Variants in ARSF observed in about 807,000 individuals in gnomAD.
ARSF encodes arylsulfatase F.
Under a neutral mutation model 35.4 loss-of-function variants are expected in ARSF, and 33 were observed. That is an observed-to-expected ratio of 0.93 (90% CI 0.71 to 1.25). ARSF has a LOEUF of 1.25. Among genes scored for constraint, ARSF ranks in the 50% most tolerant of loss-of-function variants. The pLI is 0.00. For synonymous variants in ARSF, 222 were observed against 193.1 expected (o/e 1.15, Z -1.24); for missense variants, 501 against 480.2 (o/e 1.04, Z -0.40).
intron 1 of ARSF, among the ~76,000 whole-genome samples, chrX:3,045,861 G>A (rs1603463904): frequency 9.2e-6 from 1 of 108,918 alleles, no homozygotes; most frequent in Non-Finnish European, 1.9e-5. Context: ...GTGCCATGTC[G>A]CCTGTTTTTT....
At chrX:3,043,695 T>G (rs1197904413) in intron 1 of ARSF, among the ~76,000 whole-genome samples, 1 of 111,386 alleles carries the variant, frequency 9.0e-6, no homozygotes, top group African/African-American at 3.3e-5. Context: ...GAGAGAGAAT[T>G]TTTGAAAACA....
At chrX:3,065,678 T>C (rs2090062514) in intron 1 of ARSF, among the ~76,000 whole-genome samples, 1 of 109,958 alleles carries the variant, frequency 9.1e-6, no homozygotes, top group Non-Finnish European at 1.9e-5. Flanking sequence ...ATGTAAATTT[T>C]CATTTTAGGG....
Position 3,072,083 on chromosome X carries a change from C to T in ARSF, c.69C>T (p.His23=). ...VCALLNTCQA[H]RVHDDKPNIV... ...CACTCTTGAACACATGCCAGGCACA[C>T]AGGGTGCATGACGACAAGCCTAATA... The change falls in exon 3 of 11, where the codon CAC becomes CAT. Residue 23 remains histidine, a synonymous_variant. Coordinates refer to ENST00000381127, the MANE Select transcript of ARSF (RefSeq NM_001201539.2). The T allele has an allele frequency of 8.3e-7, 1 of 1,211,366 alleles. No individual in the cohort carries two copies. The highest frequency in any genetic ancestry group is 1.1e-6 in the Non-Finnish European group (1 of 895,213).
intron 9 of ARSF, among the ~76,000 whole-genome samples, chrX:3,104,997 T>C (rs1266711705): frequency 8.9e-6 from 1 of 111,815 alleles, no homozygotes; most frequent in African/African-American, 3.3e-5. Flanking sequence ...CATTGCTCCA[T>C]TCCCTGGCAG....
At chrX:3,109,673 A>G (rs1167864723) in intron 9 of ARSF, among the ~76,000 whole-genome samples, 1 of 111,515 alleles carries the variant, frequency 9.0e-6, no homozygotes, top group Non-Finnish European at 1.9e-5. Flanking sequence ...TCCCATTTGT[A>G]AGTGAGAACA....
At chrX:3,100,520 T>C (rs781372829) in intron 7 of ARSF, among the ~76,000 whole-genome samples, 8 of 113,097 alleles carry the variant, frequency 7.1e-5, no homozygotes, top group Non-Finnish European at 1.3e-4. Context: ...GATGTTCATT[T>C]GTATTGCCAT....
rs758409761 is a variant in ARSF, at chrX:3,110,267, C to G, written c.1390+15C>G. On this transcript the variant is annotated intron_variant, in intron 10 of 10. Coordinates refer to ENST00000381127, the MANE Select transcript of ARSF (RefSeq NM_001201539.2). ...CAAGGACGACAGTGAGTGCTCAACC[C>G]GTTGCTTCCTGTTCCCTGCCAGGAG... 1 of 1,143,451 alleles carries G rather than the reference C, an allele frequency of 8.7e-7. No individual in the cohort carries two copies. The highest frequency in any genetic ancestry group is 2.2e-5 in the South Asian group (1 of 45,508). 94.2% of individuals were successfully genotyped at this position (1,143,451 alleles called of 1,213,427 possible). A position where few individuals can be genotyped will look rare whatever the true frequency, so the allele number is the denominator to read the frequency against.
intron 3 of ARSF, among the ~76,000 whole-genome samples, chrX:3,074,521 C>A (rs1184205283): frequency 9.0e-6 from 1 of 110,956 alleles, no homozygotes; most frequent in East Asian, 2.8e-4. Flanking sequence ...CTCCAGCCTC[C>A]AGAAATCTCT....
chrX:3,100,243 T>C (rs1020773288), intron 7 of ARSF, among the ~76,000 whole-genome samples: 10 of 112,320 alleles, frequency 8.9e-5, no homozygotes, highest in Admixed American at 7.6e-4. Flanking sequence ...TGCAAGAATA[T>C]ATCAAATAAA....
At chrX:3,069,295 G>A in intron 2 of ARSF, among the ~76,000 whole-genome samples, 1 of 109,962 alleles carries the variant, frequency 9.1e-6, no homozygotes, top group Non-Finnish European at 1.9e-5. Context: ...TTTTTTGCTT[G>A]TTTTTCTTTT....
At chrX:3,083,988 T>C (rs924874015) in intron 5 of ARSF, among the ~76,000 whole-genome samples, 11 of 112,073 alleles carry the variant, frequency 9.8e-5, no homozygotes, top group African/African-American at 3.6e-4. Context: ...AATTCTATTT[T>C]TCTCCCTTAT....
intron 5 of ARSF, among the ~76,000 whole-genome samples, chrX:3,081,302 A>G (rs1490700738): frequency 9.0e-6 from 1 of 111,405 alleles, no homozygotes; most frequent in Non-Finnish European, 1.9e-5. Flanking sequence ...CCAGAGGCTG[A>G]GGTGGGAGGA....
chrX:3,099,902 C>T (rs188524810), intron 7 of ARSF, among the ~76,000 whole-genome samples: 1 of 111,246 alleles, frequency 9.0e-6, no homozygotes, highest in East Asian at 2.8e-4. Flanking sequence ...TGCCTTGGCT[C>T]TAGAAGAAAA....
chrX:3,102,453 T>C (rs919311599), intron 8 of ARSF, among the ~76,000 whole-genome samples: 2 of 112,392 alleles, frequency 1.8e-5, no homozygotes, highest in Non-Finnish European at 3.8e-5. Context: ...GCAAAAGATA[T>C]TATTTCACTT....
intron 2 of ARSF, among the ~76,000 whole-genome samples, chrX:3,068,445 G>A (rs2090081288): frequency 9.0e-6 from 1 of 111,250 alleles, no homozygotes; most frequent in Admixed American, 9.6e-5. Context: ...GGTTTCACAG[G>A]GTTTTGCTCT....
At chrX:3,091,907 T>C (rs1333965468) in intron 7 of ARSF, among the ~76,000 whole-genome samples, 2 of 109,744 alleles carry the variant, frequency 1.8e-5, no homozygotes, top group African/African-American at 6.6e-5. Flanking sequence ...GATAGAAAGA[T>C]AGATGATTGA....
At chrX:3,066,387 A>G (rs1044815079) in intron 1 of ARSF, among the ~76,000 whole-genome samples, 1 of 111,302 alleles carries the variant, frequency 9.0e-6, no homozygotes, top group Non-Finnish European at 1.9e-5. Context: ...AAGACAGGGA[A>G]GACCTTCCAT....
In ARSF at chrX:3,110,157, T is replaced by C; in HGVS notation, c.1295T>C (p.Leu432Ser). Residue 432 changes from leucine to serine, a missense_variant, in exon 10 of 11, where the codon TTG (leucine) becomes TCG (serine). Physicochemically the swap from Leu to Ser is moderately radical, Grantham distance 145. Coordinates refer to ENST00000381127, the MANE Select transcript of ARSF (RefSeq NM_001201539.2). The part of the protein sequence containing the change: ...RVIDGRDLMP[L>S]LQGNVRHSEH... ...ATTGACGGCCGAGACCTCATGCCCTTGCTGCAGGGCAACGTCAGGCACTCG... is the reference window on the plus strand; with the variant it reads ...ATTGACGGCCGAGACCTCATGCCCTCGCTGCAGGGCAACGTCAGGCACTCG... 2 of 1,199,401 alleles carry C rather than the reference T, an allele frequency of 1.7e-6. No homozygotes were observed. Among genetic ancestry groups the C allele is most frequent in the Non-Finnish European group, 2.3e-6 (2 of 888,557 alleles).
intron 6 of ARSF, among the ~76,000 whole-genome samples, chrX:3,086,865 A>G (rs1299163801): frequency 8.9e-6 from 1 of 111,780 alleles, no homozygotes; most frequent in African/African-American, 3.2e-5. Context: ...ATGCAACACA[A>G]AGTTATTATT....
Sources: allele counts gnomAD v4.1 joint callset (sites outside exome capture counted in the v4.1 genomes callset), GRCh38; gene constraint gnomAD v4.1.1; transcripts MANE v1.5; gene names NCBI Gene and HGNC (gene_info 2026-07-23, HGNC 2026-07-21).